The following ERICH2 variants were observed in gnomAD, a reference collection of about 807,000 sequenced individuals.
ERICH2 encodes glutamate-rich protein 2.
Under a neutral mutation model 17.4 loss-of-function variants are expected in ERICH2, and 17 were observed. The observed-to-expected ratio is 0.98, with a 90% CI of 0.67 to 1.47. ERICH2 has a LOEUF of 1.47. ERICH2 is among the 40% of genes most tolerant of loss of function. The pLI, the probability that ERICH2 is intolerant of heterozygous loss-of-function variation, is 0.00. For missense variants in ERICH2, 186 were observed against 183.2 expected (o/e 1.01, Z -0.09); for synonymous variants, 51 against 61.1 (o/e 0.83, Z 0.77).
At chr2:170,781,201 A>T (rs1701017345), upstream of ERICH2, among the ~76,000 whole-genome samples, 1 of 152,194 alleles carries the variant, frequency 6.6e-6, no homozygotes, top group Admixed American at 6.5e-5. Context: ...CATTTCCATG[A>T]GGGAAAAAAA....
the ERICH2 span, among the ~76,000 whole-genome samples, chr2:170,771,742 T>TA: frequency 7.7e-4 from 117 of 152,352 alleles, no homozygotes; most frequent in African/African-American, 2.7e-3. This position sits in a 1 kb window ranked among gnomAD's most constrained non-coding sequence, Gnocchi z 4.8. Context: ...ATTCTCATCT[T>TA]ATGAGATGAT....
intron 3 of ERICH2, among the ~76,000 whole-genome samples, chr2:170,796,536 T>C (rs539570787): frequency 7.3e-4 from 111 of 151,034 alleles, no homozygotes; most frequent in African/African-American, 2.6e-3. Context: ...CCTAGGTTCA[T>C]GTCATCCTCC....
intron 2 of ERICH2, among the ~76,000 whole-genome samples, chr2:170,789,843 A>T (rs1701244357): frequency 6.6e-6 from 1 of 152,178 alleles, no homozygotes. Flanking sequence ...TTTAGGTATG[A>T]TAGTAATATT....
rs183017608 is a variant in ERICH2 at position 170,783,880 on chromosome 2, C to A, written c.28+14C>A. ...AACCAGAAACAGGTAGACAGATGGCCTGAATAACACAACCGTCATACTCTT... is the reference window on the plus strand; with the variant it reads ...AACCAGAAACAGGTAGACAGATGGCATGAATAACACAACCGTCATACTCTT... On this transcript the variant is annotated intron_variant, in intron 1 of 4. Coordinates refer to ENST00000409885, the Ensembl canonical transcript of ERICH2. 5.8e-4 allele frequency: 892 copies of A among 1,550,476 alleles called. 7 individuals are homozygous for A. Among genetic ancestry groups the A allele is most frequent in the Middle Eastern group, 5.7e-3 (34 of 5,990 alleles).
At chr2:170,784,186 A>G (rs1428414470) in intron 1 of ERICH2, among the ~76,000 whole-genome samples, 3 of 152,210 alleles carry the variant, frequency 2.0e-5, no homozygotes, top group South Asian at 4.1e-4. Flanking sequence ...ACACAAGTTC[A>G]ATTTCAAACT....
At chr2:170,779,158 C>G (rs1045104272), upstream of ERICH2, among the ~76,000 whole-genome samples, 2 of 152,076 alleles carry the variant, frequency 1.3e-5, no homozygotes, top group African/African-American at 4.8e-5. Flanking sequence ...GAAAAATGAT[C>G]AAGTAGGAAA....
intron 3 of ERICH2, among the ~76,000 whole-genome samples, chr2:170,796,739 A>C (rs190589967): frequency 1.2e-3 from 186 of 152,084 alleles, no homozygotes; most frequent in African/African-American, 4.2e-3. Context: ...GCCCAGCCTC[A>C]CAATTGTGTC....
chr2:170,796,452 T>TTTTTTTTTTTC (rs373654461), intron 3 of ERICH2, among the ~76,000 whole-genome samples: 1 of 138,332 alleles, frequency 7.2e-6, no homozygotes, highest in Non-Finnish European at 1.6e-5. Context: ...TTTTTTTTTT[T>TTTTTTTTTTTC]TGAGACAGCG....
the ERICH2 span, among the ~76,000 whole-genome samples, chr2:170,774,303 C>T: frequency 6.6e-6 from 1 of 152,162 alleles, no homozygotes; most frequent in East Asian, 1.9e-4. Context: ...CCCCATAGGA[C>T]ATCTTTCCAA....
chr2:170,786,699 AT>A (rs1318387486), intron 2 of ERICH2, among the ~76,000 whole-genome samples: 3 of 151,790 alleles, frequency 2.0e-5, no homozygotes, highest in South Asian at 4.1e-4. Flanking sequence ...TTTTTTTCAT[AT>A]TTTTTTAGAT....
upstream of ERICH2, among the ~76,000 whole-genome samples, chr2:170,780,277 A>G (rs977188994): frequency 3.9e-5 from 6 of 152,308 alleles, no homozygotes; most frequent in Middle Eastern, 0.01. Context: ...CATAAATAAC[A>G]TCACTTTCTC....
At chr2:170,779,815 C>G (rs1434449676), upstream of ERICH2, 1 of 984,316 alleles carries the variant, frequency 1.0e-6, no homozygotes, top group East Asian at 1.1e-4. Context: ...TGGACGCAGA[C>G]CAAGATTGAC....
upstream of ERICH2, among the ~76,000 whole-genome samples, chr2:170,782,930 T>A (rs909081610): frequency 1.3e-5 from 2 of 151,548 alleles, no homozygotes; most frequent in South Asian, 2.1e-4. Flanking sequence ...TTGAAAAAAA[T>A]TAAAATTAAA....
At chr2:170,788,066 A>G (rs1701196837) in intron 2 of ERICH2, among the ~76,000 whole-genome samples, 1 of 152,244 alleles carries the variant, frequency 6.6e-6, no homozygotes, top group Non-Finnish European at 1.5e-5. Flanking sequence ...ATTGCTAGCC[A>G]TGGAATAATA....
Position 170,798,951 on chromosome 2 carries a change from AT to A in ERICH2, c.*58del, listed in dbSNP as rs1701498133. The A allele has an allele frequency of 9.8e-6, 15 of 1,523,792 alleles. No individual in the cohort carries two copies. The South Asian group carries it at 1.7e-4, about 17-fold the overall frequency. 94.4% of individuals were successfully genotyped at this position (1,523,792 alleles called of 1,614,324 possible). On this transcript the variant is annotated 3_prime_UTR_variant, in exon 5 of 5. Transcript: ENST00000409885. ...TTTCATTAATGTATACCATGCAAAT[AT>A]AAAGACAAGTGACATTTTAGTCTAA... is the stretch of plus-strand genomic sequence containing the variant.
chr2:170,777,374 T>C, the ERICH2 span: 4 of 1,123,174 alleles, frequency 3.6e-6, no homozygotes, highest in Non-Finnish European at 4.4e-6. Context: ...GCTTCTATTT[T>C]AGACAGCAAA....
chr2:170,788,112 C>T (rs1368678782), intron 2 of ERICH2, among the ~76,000 whole-genome samples: 1 of 152,108 alleles, frequency 6.6e-6, no homozygotes, highest in African/African-American at 2.4e-5. Flanking sequence ...ACTATATTTC[C>T]TTCCTAGAAT....
chr2:170,775,628 G>A, the ERICH2 span: 1 of 152,126 alleles, frequency 6.6e-6, no homozygotes. Flanking sequence ...TAGATAACCA[G>A]AGGAAAATCT....
intron 3 of ERICH2, among the ~76,000 whole-genome samples, chr2:170,797,641 T>C (rs765386470): frequency 1.6e-4 from 25 of 151,598 alleles, no homozygotes; most frequent in Non-Finnish European, 3.1e-4. Context: ...CTACCAAAAA[T>C]ACAAAACTTA....
Sources: allele counts gnomAD v4.1 joint callset (sites outside exome capture counted in the v4.1 genomes callset), GRCh38; gene constraint gnomAD v4.1.1; non-coding constraint Gnocchi (gnomAD v3.1); transcripts MANE v1.5; gene names NCBI Gene and HGNC (gene_info 2026-07-23, HGNC 2026-07-21).